AGAP1: variants seen among roughly 807,000 people sequenced by gnomAD.
AGAP1 encodes the protein ArfGAP with GTPase domain, ankyrin repeat and PH domain 1.
Under a neutral mutation model 105.3 loss-of-function variants are expected in AGAP1, and 29 were observed. That is an observed-to-expected ratio of 0.28 (90% CI 0.21 to 0.38). AGAP1 has a LOEUF of 0.38. Among genes scored for constraint, AGAP1 ranks in the 10% least tolerant of loss-of-function variants. AGAP1 has a pLI of 1.00. For missense variants in AGAP1, 998 were observed against 1,165.1 expected, an observed-to-expected ratio of 0.86 and a Z score of 2.09; for synonymous variants, 509 against 485.9, an observed-to-expected ratio of 1.05 and a Z score of -0.63.
intron 1 of AGAP1, among the ~76,000 whole-genome samples, chr2:235,630,625 A>G (rs541118814): frequency 7.1e-4 from 108 of 152,316 alleles, no homozygotes; most frequent in African/African-American, 2.4e-3. Context: ...GGTAAGCTGT[A>G]TTTGAGAAAG....
Position 235,541,376 on chromosome 2 carries a change from C to CTT in AGAP1, c.163+46555_163+46556dup, listed in dbSNP as rs556785424. Among the ~76,000 whole-genome samples, 207 of 91,088 alleles carry CTT rather than the reference C, an allele frequency of 2.3e-3. 24 individuals carry two copies. The highest frequency in any genetic ancestry group is 0.013 in the Middle Eastern group (2 of 158). 59.8% of individuals were successfully genotyped at this position (91,088 alleles called of 152,430 possible). On this transcript the variant is annotated intron_variant, in intron 1 of 17. Transcript: ENST00000304032. Reference sequence around the variant, plus strand: ...ATTATTTCCTTTTTCCATTCTTATTCTTTTTTTTTTTTTTTTTTTTTTTTT... The same window carrying CTT: ...ATTATTTCCTTTTTCCATTCTTATTCTTTTTTTTTTTTTTTTTTTTTTTTTTT...
At chr2:235,939,148 A>AAGTAGTATGATGC (rs941484903) in intron 12 of AGAP1, among the ~76,000 whole-genome samples, 1 of 152,134 alleles carries the variant, frequency 6.6e-6, no homozygotes, top group Non-Finnish European at 1.5e-5. Flanking sequence ...CTTTGACACC[A>AAGTAGTATGATGC]AGTAGTATGA....
At position 235,497,741 on chromosome 2, in the gene AGAP1, C is replaced by T. The variant is rs914508035; in HGVS notation, c.163+2892C>T. Among the ~76,000 whole-genome samples the T allele has an allele frequency of 3.9e-5, 6 of 152,268 alleles. No homozygotes were observed. The East Asian group carries it at 1.2e-3, about 29-fold the overall frequency. On this transcript the variant is annotated intron_variant, in intron 1 of 17. Coordinates refer to ENST00000304032, the MANE Select transcript of AGAP1 (RefSeq NM_001037131.3). ...TCCCGAGTAGCTGGGACTACAGGCGCCCACCACCTCGCCTGGCTAATTTTT... is the reference window on the plus strand; with the variant it reads ...TCCCGAGTAGCTGGGACTACAGGCGTCCACCACCTCGCCTGGCTAATTTTT...
At position 235,692,978 on chromosome 2, in the gene AGAP1, G is replaced by A. The variant is rs1173179796; in HGVS notation, c.164-16201G>A. ...GTACTGTGCATGGGAGAGGGAGTGT[G>A]GCCTGCAGGCCAGTGGCTGAGGCCC... On this transcript the variant is annotated intron_variant, in intron 1 of 17. Transcript: ENST00000304032. The surrounding 1 kb of genome is among the most constrained non-coding windows in gnomAD (Gnocchi z 5.8). 2.6e-5 allele frequency among the ~76,000 whole-genome samples: 4 copies of A among 152,138 alleles called. No homozygotes were observed. In the East Asian group the frequency reaches 7.7e-4, roughly 29 times the overall value.
intron 1 of AGAP1, among the ~76,000 whole-genome samples, chr2:235,547,790 G>T (rs1421663367): frequency 6.6e-6 from 1 of 152,326 alleles, no homozygotes; most frequent in South Asian, 2.1e-4. Flanking sequence ...ACCATGCCCG[G>T]CCATGAGTCC....
Position 236,123,995 on chromosome 2 carries a change from A to G in AGAP1, c.2447A>G (p.Glu816Gly). 6.2e-7 allele frequency: 1 copy of G among 1,613,976 alleles called. No individual in the cohort carries two copies. The highest frequency in any genetic ancestry group is 8.5e-7 in the Non-Finnish European group (1 of 1,180,002). Residue 816 changes from glutamate to glycine, a missense_variant, in exon 18 of 18, where the codon GAG (glutamate) becomes GGG (glycine). Physicochemically the swap from Glu to Gly is moderately conservative, Grantham distance 98. This residue lies in a region of AGAP1 where 235 missense variants were observed against 270.7 expected (regional missense o/e 0.87). Coordinates refer to ENST00000304032, the MANE Select transcript of AGAP1 (RefSeq NM_001037131.3). The surrounding 1 kb of genome is among the most constrained non-coding windows in gnomAD (Gnocchi z 4.6). ...LAYARQASSQ[E>G]CIDVLLQYGC... is the part of the protein sequence containing the mutation. Reference sequence around the variant, plus strand: ...TACGCCCGGCAGGCCTCCAGCCAGGAGTGCATCGACGTGCTGCTGCAGTAC... The same window carrying G: ...TACGCCCGGCAGGCCTCCAGCCAGGGGTGCATCGACGTGCTGCTGCAGTAC...
At chr2:235,985,582 G>C (rs1435410779) in intron 13 of AGAP1, among the ~76,000 whole-genome samples, 2 of 152,080 alleles carry the variant, frequency 1.3e-5, no homozygotes, top group African/African-American at 4.8e-5. Context: ...TATGGTTTGG[G>C]TTTTCATTTA....
At chr2:236,022,054 C>CA (rs55810820) in intron 13 of AGAP1, among the ~76,000 whole-genome samples, 1,328 of 88,638 alleles carry the variant, frequency 0.015, 19 homozygotes, top group Admixed American at 0.043. Flanking sequence ...GACCCTGTCT[C>CA]AAAAAAAAAA....
In AGAP1 at chr2:235,514,162, G is replaced by GCGCGCA. The variant is rs1003208197; in HGVS notation, c.163+19314_163+19315insGCGCAC. ...TGCCAGTGCATGCGCGTGCGCGCGC[G>GCGCGCA]CACACACACACACACACACACATAC... On this transcript the variant is annotated intron_variant, in intron 1 of 17. Coordinates refer to ENST00000304032, the MANE Select transcript of AGAP1 (RefSeq NM_001037131.3). Among the ~76,000 whole-genome samples, 594 of 150,612 alleles carry GCGCGCA rather than the reference G, an allele frequency of 3.9e-3. 3 individuals are homozygous for GCGCGCA. Among genetic ancestry groups the GCGCGCA allele is most frequent in the African/African-American group, 0.014 (566 of 41,256 alleles).
intron 11 of AGAP1, among the ~76,000 whole-genome samples, chr2:235,920,812 A>G (rs2052148480): frequency 6.6e-6 from 1 of 152,256 alleles, no homozygotes; most frequent in Non-Finnish European, 1.5e-5. Context: ...AAAAAACTGT[A>G]GAGATAGGAA....
rs755483179 is a variant in AGAP1 at position 235,843,058 on chromosome 2, G to A, written c.1050+35727G>A. Among the ~76,000 whole-genome samples, 26 of 152,156 alleles carry A rather than the reference G, an allele frequency of 1.7e-4. No individual in the cohort carries two copies. The highest frequency in any genetic ancestry group is 3.5e-4 in the Non-Finnish European group (24 of 68,036). On this transcript the variant is annotated intron_variant, in intron 9 of 17. Coordinates refer to ENST00000304032, the MANE Select transcript of AGAP1 (RefSeq NM_001037131.3). This position sits in a 1 kb window ranked among gnomAD's most constrained non-coding sequence, Gnocchi z 5.9. ...AGATTTGATGTGAAGTTGAGGACACGGGTCTTCATAATGAAACAGAAGTGC... is the reference window on the plus strand; with the variant it reads ...AGATTTGATGTGAAGTTGAGGACACAGGTCTTCATAATGAAACAGAAGTGC...
At chr2:235,688,377 T>C (rs1949569834) in intron 1 of AGAP1, among the ~76,000 whole-genome samples, 1 of 152,174 alleles carries the variant, frequency 6.6e-6, no homozygotes, top group Non-Finnish European at 1.5e-5. Flanking sequence ...CACTTTTGCT[T>C]TCCCAACATT....
chr2:235,978,151 T>G (rs564202880), intron 13 of AGAP1, among the ~76,000 whole-genome samples: 1 of 152,118 alleles, frequency 6.6e-6, no homozygotes, highest in African/African-American at 2.4e-5. Context: ...AGGCCCAGTC[T>G]CCAAATACCA....
In AGAP1 at chr2:235,958,948, T is replaced by A. The variant is rs116764591; in HGVS notation, c.1484-9514T>A. On this transcript the variant is annotated intron_variant, in intron 12 of 17. Coordinates refer to ENST00000304032, the MANE Select transcript of AGAP1 (RefSeq NM_001037131.3). The surrounding 1 kb of genome is among the most constrained non-coding windows in gnomAD (Gnocchi z 4.1). ...ATTATTGCTCGTATTATATATTTTT[T>A]GGGGTGTGCGTTGAACATTGATGCC... Among the ~76,000 whole-genome samples the A allele has an allele frequency of 1.8e-4, 28 of 152,326 alleles. No homozygotes were observed. Among genetic ancestry groups the A allele is most frequent in the Non-Finnish European group, 2.6e-4 (18 of 68,036 alleles).
chr2:235,571,966 A>G lies in AGAP1; in HGVS notation c.163+77117A>G, dbSNP rs1245842102. Among the ~76,000 whole-genome samples, 359 of 46,370 alleles carry G rather than the reference A, an allele frequency of 7.7e-3. 6 individuals carry two copies. Among genetic ancestry groups the G allele is most frequent in the African/African-American group, 0.03 (274 of 9,076 alleles). 30.4% of individuals were successfully genotyped at this position (46,370 alleles called of 152,430 possible). A position where few individuals can be genotyped will look rare whatever the true frequency, so the allele number is the denominator to read the frequency against. On this transcript the variant is annotated intron_variant, in intron 1 of 17. Coordinates refer to ENST00000304032, the MANE Select transcript of AGAP1 (RefSeq NM_001037131.3). The stretch of plus-strand genomic sequence containing the variant: ...TGTGTGTGTGTGTGTGTGTATACAT[A>G]TATATGTATACACACACACACACAC...
Position 235,714,014 on chromosome 2 carries a change from A to G in AGAP1, c.223-3543A>G, listed in dbSNP as rs149315631. ...TTCTTTGTTTAAAATTTTATTTATT[A>G]TTTTGTTTTTATTTTTTGAGACAGA... On this transcript the variant is annotated intron_variant, in intron 2 of 17. Coordinates refer to ENST00000304032, the MANE Select transcript of AGAP1 (RefSeq NM_001037131.3). This position sits in a 1 kb window ranked among gnomAD's most constrained non-coding sequence, Gnocchi z 4.1. 3.4e-4 allele frequency among the ~76,000 whole-genome samples: 52 copies of G among 152,004 alleles called. No homozygotes were observed. The East Asian group carries it at 9.5e-3, about 28-fold the overall frequency.
rs1005915832 is a variant in AGAP1, at chr2:235,559,625, C to T, written c.163+64776C>T. 1.3e-5 allele frequency among the ~76,000 whole-genome samples: 2 copies of T among 152,102 alleles called. No homozygotes were observed. Among genetic ancestry groups the T allele is most frequent in the Non-Finnish European group, 2.9e-5 (2 of 68,020 alleles). ...ACCACTGTTATGTGGTTATATGTTA[C>T]GTTATAGCCTCCCAGAAATTTTCTA... On this transcript the variant is annotated intron_variant, in intron 1 of 17. Coordinates refer to ENST00000304032, the MANE Select transcript of AGAP1 (RefSeq NM_001037131.3). This position sits in a 1 kb window ranked among gnomAD's most constrained non-coding sequence, Gnocchi z 5.7.
intron 13 of AGAP1, among the ~76,000 whole-genome samples, chr2:236,015,459 C>G (rs757669480): frequency 6.6e-6 from 1 of 152,152 alleles, no homozygotes; most frequent in Non-Finnish European, 1.5e-5. Context: ...AATTGACTTG[C>G]GTTGCTTTTT....
rs374549194 is a variant in AGAP1, at chr2:235,994,927, C to T, written c.1645+26304C>T. The stretch of plus-strand genomic sequence containing the variant: ...TAAAAATACAAAAACATTAGCCAAG[C>T]GTGGTGGTAGGCGCCTGTAATCGCA... On this transcript the variant is annotated intron_variant, in intron 13 of 17. Transcript: ENST00000304032. This position sits in a 1 kb window ranked among gnomAD's most constrained non-coding sequence, Gnocchi z 4.4. Among the ~76,000 whole-genome samples, 1 of 150,572 alleles carries T rather than the reference C, an allele frequency of 6.6e-6. No individual in the cohort carries two copies. Among genetic ancestry groups the T allele is most frequent in the Admixed American group, 6.6e-5 (1 of 15,130 alleles).
Sources: gnomAD v4.1 joint callset for allele counts (sites outside exome capture counted in the v4.1 genomes callset) on GRCh38, gnomAD v4.1.1 for gene constraint, gnomAD v4.1.1 regional missense constraint, Gnocchi (gnomAD v3.1) non-coding constraint, MANE v1.5 for transcripts, NCBI Gene and HGNC (gene_info 2026-07-23, HGNC 2026-07-21) for gene names.